Variants in KCNQ2 observed in about 807,000 individuals in gnomAD.
The protein encoded by KCNQ2 is potassium voltage-gated channel subfamily Q member 2.
In KCNQ2, 14 loss-of-function variants were observed where a neutral mutation model predicts 84.8. The ratio of observed to expected loss-of-function variants is 0.17; its 90% CI spans 0.11 to 0.26. The LOEUF (loss-of-function observed/expected upper bound fraction) is 0.26, where lower values mean the gene tolerates loss of function less well. KCNQ2 is among the 10% of genes least tolerant of loss of function. The pLI, the probability that KCNQ2 is intolerant of heterozygous loss-of-function variation, is 1.00. For synonymous variants in KCNQ2, 599 were observed against 554.1 expected (o/e 1.08, Z -1.14); for missense variants, 788 against 1,254.0 (o/e 0.63, Z 5.61).
At chr20:63,419,476 T>C in intron 12 of KCNQ2, 143 bp downstream of exon 12, 1 of 778,898 alleles carries the variant, frequency 1.3e-6, no homozygotes, top group African/African-American at 1.7e-5. Flanking sequence ...TAGAGGGAGC[T>C]GAGCCCGCAC....
Position 63,406,851 on chromosome 20 carries a change from G to T in KCNQ2, c.2412C>A (p.Gly804=). The T allele has an allele frequency of 6.2e-7, 1 of 1,612,432 alleles. No individual in the cohort carries two copies. The highest frequency in any genetic ancestry group is 1.3e-5 in the African/African-American group (1 of 75,066). ...DHEELERSFS[G]FSISQSKENL... ...TCTCCTTGGACTGGGAGATGCTGAA[G>T]CCGCTGAAGGAACGCTCCAGCTCCT... Residue 804 remains glycine (G), a synonymous_variant, in exon 17 of 17, where the codon GGC becomes GGA. Transcript: ENST00000359125.
At chr20:63,435,391 AACAAC>A (rs1163899329) in intron 7 of KCNQ2, among the ~76,000 whole-genome samples, 2 of 14,030 alleles carry the variant, frequency 1.4e-4, no homozygotes, top group East Asian at 1.8e-3. Context: ...CTATCTCAAC[AACAAC>A]AAAAAAAAAA....
chr20:63,422,100 C>T (rs1194353701), intron 11 of KCNQ2, among the ~76,000 whole-genome samples: 2 of 152,182 alleles, frequency 1.3e-5, no homozygotes, highest in Non-Finnish European at 2.9e-5. Context: ...GTGCGGGCTC[C>T]ACCTCCAAAG....
In KCNQ2 at chr20:63,408,256, T is replaced by A; in HGVS notation, c.1887+157A>T. On this transcript the variant is annotated intron_variant, in intron 16 of 16. Coordinates refer to ENST00000359125, the MANE Select transcript of KCNQ2 (RefSeq NM_172107.4). The surrounding 1 kb of genome is among the most constrained non-coding windows in gnomAD (Gnocchi z 5.0). ...GAGGCTCACGGTGGGGTGTGAGGGG[T>A]CTGCACAGAGCAGCTGTCAGTGGTG... is the stretch of plus-strand genomic sequence containing the variant. The A allele has an allele frequency of 1.1e-6, 1 of 950,824 alleles. No homozygotes were observed. The highest frequency in any genetic ancestry group is 2.7e-5 in the East Asian group (1 of 37,408). The allele number at this position is 950,824 out of a possible 1,614,324, so 58.9% of individuals were successfully genotyped here.
intron 1 of KCNQ2, among the ~76,000 whole-genome samples, chr20:63,457,127 T>C (rs983338254): frequency 6.6e-6 from 1 of 152,142 alleles, no homozygotes; most frequent in Non-Finnish European, 1.5e-5. Context: ...AGTCCAGGCG[T>C]GAACCGGGCA....
At chr20:63,456,225 C>G (rs8184272) in intron 1 of KCNQ2, among the ~76,000 whole-genome samples, 1 of 152,208 alleles carries the variant, frequency 6.6e-6, no homozygotes. Flanking sequence ...CCCCGCCTTC[C>G]TTCCCCATTC....
At chr20:63,436,775 C>CTT (rs60028841) in intron 7 of KCNQ2, among the ~76,000 whole-genome samples, 33,005 of 122,290 alleles carry the variant, frequency 0.27, 5,538 homozygotes, top group African/African-American at 0.36. Context: ...ATAAACATAA[C>CTT]TTTTTTTTTT....
chr20:63,413,487 G>A lies in KCNQ2; in HGVS notation c.1726C>T (p.Leu576=), dbSNP rs745406707. 1.1e-5 allele frequency: 17 copies of A among 1,613,318 alleles called. No individual in the cohort carries two copies. The highest frequency in any genetic ancestry group is 7.6e-6 in the Non-Finnish European group (9 of 1,180,028). ...CTCTTAATTCGGGACAGCATGTCCA[G>A]GTGGCCGGCTGAGTACTGCTCGATG... is the stretch of plus-strand genomic sequence containing the variant. ...DVIEQYSAGH[L]DMLSRIKSLQ... is the part of the protein sequence containing the mutation. Residue 576 remains leucine (L), a synonymous_variant, in exon 15 of 17, where the codon CTG becomes TTG. Transcript: ENST00000359125.
chr20:63,417,716 G>C (rs974996124), intron 12 of KCNQ2, among the ~76,000 whole-genome samples: 1 of 152,252 alleles, frequency 6.6e-6, no homozygotes, highest in African/African-American at 2.4e-5. Context: ...GAAGGGAGTG[G>C]CGTGGATTCC....
At position 63,413,588 on chromosome 20, in the gene KCNQ2, G is replaced by T; in HGVS notation, c.1632-7C>A. 1 of 1,611,206 alleles carries T rather than the reference G, an allele frequency of 6.2e-7. No individual in the cohort carries two copies. On this transcript the variant is annotated splice_region_variant and splice_polypyrimidine_tract_variant and intron_variant, in intron 14 of 16. Transcript: ENST00000359125. ...CACCAGGAACCGCATGACACTGCAGGGGGGTGGGTGGGGCTGTGAGCCCTG... is the reference window on the plus strand; with the variant it reads ...CACCAGGAACCGCATGACACTGCAGTGGGGTGGGTGGGGCTGTGAGCCCTG...
intron 10 of KCNQ2, among the ~76,000 whole-genome samples, chr20:63,426,750 C>T (rs1475758953): frequency 6.6e-6 from 1 of 152,114 alleles, no homozygotes; most frequent in East Asian, 1.9e-4. Flanking sequence ...CTCCAGCTTC[C>T]AACACCTGCA....
At chr20:63,420,917 G>C (rs936790958) in intron 11 of KCNQ2, among the ~76,000 whole-genome samples, 1 of 152,174 alleles carries the variant, frequency 6.6e-6, no homozygotes, top group African/African-American at 2.4e-5. Context: ...GAGGCAGGAG[G>C]GAGCCGGCTC....
At chr20:63,449,816 C>G (rs1461407971) in intron 1 of KCNQ2, among the ~76,000 whole-genome samples, 1 of 151,836 alleles carries the variant, frequency 6.6e-6, no homozygotes, top group Non-Finnish European at 1.5e-5. Context: ...AGGGCCAGGC[C>G]ATCCGGGCAC....
At position 63,407,271 on chromosome 20, in the gene KCNQ2, C is replaced by T. The variant is rs866315162; in HGVS notation, c.1992G>A (p.Pro664=). The change falls in exon 17 of 17, where the codon CCG becomes CCA. Residue 664 remains proline (P), a synonymous_variant. Coordinates refer to ENST00000359125, the MANE Select transcript of KCNQ2 (RefSeq NM_172107.4). This position sits in a 1 kb window ranked among gnomAD's most constrained non-coding sequence, Gnocchi z 7.2. ...GGCTGTGGTACGGCGGCGCCGGCTC[C>T]GGCTCTTTGGCCCCAAAGTAGGCCT... ...ETEAYFGAKE[P]EPAPPYHSPE... The T allele has an allele frequency of 1.1e-5, 18 of 1,596,452 alleles. No homozygotes were observed. The highest frequency in any genetic ancestry group is 4.0e-5 in the African/African-American group (3 of 74,898).
chr20:63,410,907 T>C (rs1216833817), intron 15 of KCNQ2: 1 of 419,316 alleles, frequency 2.4e-6, no homozygotes, highest in Non-Finnish European at 4.8e-6. Flanking sequence ...CCAGGGGCTC[T>C]ACCCTCCCTC....
rs2080230046 is a variant in KCNQ2, at chr20:63,414,696, G to A, written c.1525+207C>T. 6.6e-6 allele frequency among the ~76,000 whole-genome samples: 1 copy of A among 151,534 alleles called. No homozygotes were observed. Among genetic ancestry groups the A allele is most frequent in the Non-Finnish European group, 1.5e-5 (1 of 67,940 alleles). ...GAGGTGGTGGTGACAACTCCACCGT[G>A]AGCGTGCTACATGCCACTGAATTCC... On this transcript the variant is annotated intron_variant, in intron 13 of 16. Coordinates refer to ENST00000359125, the MANE Select transcript of KCNQ2 (RefSeq NM_172107.4). The surrounding 1 kb of genome is among the most constrained non-coding windows in gnomAD (Gnocchi z 6.6).
intron 11 of KCNQ2, among the ~76,000 whole-genome samples, chr20:63,420,667 G>A (rs750432646): frequency 7.9e-5 from 12 of 152,314 alleles, no homozygotes; most frequent in Admixed American, 2.6e-4. Flanking sequence ...CGGCGTCACA[G>A]ACACGGCTAG....
intron 7 of KCNQ2, among the ~76,000 whole-genome samples, chr20:63,435,228 A>C (rs1248525816): frequency 6.6e-6 from 1 of 152,130 alleles, no homozygotes; most frequent in Non-Finnish European, 1.5e-5. Context: ...GCCTTTACTT[A>C]AAACAAAAAA....
intron 9 of KCNQ2, among the ~76,000 whole-genome samples, chr20:63,430,379 C>T (rs2080757080): frequency 6.6e-6 from 1 of 152,178 alleles, no homozygotes; most frequent in African/African-American, 2.4e-5. Context: ...CCTGGACCCA[C>T]CACTGCCCAG....
Sources: allele counts gnomAD v4.1 joint callset (sites outside exome capture counted in the v4.1 genomes callset), GRCh38; gene constraint gnomAD v4.1.1; non-coding constraint Gnocchi (gnomAD v3.1); transcripts MANE v1.5; gene names NCBI Gene and HGNC (gene_info 2026-07-23, HGNC 2026-07-21).